The following NPSR1 variants were observed in gnomAD, a reference collection of about 807,000 sequenced individuals.
The protein encoded by NPSR1 is neuropeptide S receptor.
A neutral mutation model predicts 46.9 loss-of-function variants in NPSR1; 48 were observed. The ratio of observed to expected loss-of-function variants is 1.02; its 90% confidence interval spans 0.81 to 1.30. NPSR1 has a LOEUF of 1.30. Among genes scored for constraint, NPSR1 ranks in the 50% most tolerant of loss-of-function variants. NPSR1 has a pLI of 0.00. For missense variants in NPSR1, 450 were observed against 449.5 expected, an observed-to-expected ratio of 1.00 and a Z score of -0.01; for synonymous variants, 176 against 168.1, an observed-to-expected ratio of 1.05 and a Z score of -0.36.
At chr7:34,821,507 C>A (rs1186487886) in intron 4 of NPSR1, among the ~76,000 whole-genome samples, 3 of 151,928 alleles carry the variant, frequency 2.0e-5, no homozygotes, top group Admixed American at 6.6e-5. Context: ...AAAAGGACAT[C>A]GACGCCAAAG....
chr7:34,659,880 GCTGC>G (rs1449312751), intron 1 of NPSR1, among the ~76,000 whole-genome samples: 1 of 152,146 alleles, frequency 6.6e-6, no homozygotes, highest in Non-Finnish European at 1.5e-5. Flanking sequence ...ACTCAGTATT[GCTGC>G]CTGTGTAGCC....
intron 5 of NPSR1, among the ~76,000 whole-genome samples, chr7:34,830,092 G>A (rs921533985): frequency 6.6e-6 from 1 of 152,208 alleles, no homozygotes; most frequent in Non-Finnish European, 1.5e-5. Flanking sequence ...CCAGGCCCTG[G>A]GGGGGCGAGT....
intron 3 of NPSR1, among the ~76,000 whole-genome samples, chr7:34,784,395 G>A (rs1009461938): frequency 2.6e-5 from 4 of 151,996 alleles, no homozygotes; most frequent in African/African-American, 2.4e-5. Context: ...TAGCATGAAG[G>A]GTTGTTGAAT....
At chr7:34,694,179 G>A (rs1366971018) in intron 2 of NPSR1, among the ~76,000 whole-genome samples, 1 of 151,772 alleles carries the variant, frequency 6.6e-6, no homozygotes, top group Non-Finnish European at 1.5e-5. Flanking sequence ...GAAATGAAAG[G>A]AATCCACACT....
At chr7:34,741,340 G>C (rs1353059187) in intron 2 of NPSR1, among the ~76,000 whole-genome samples, 2 of 152,058 alleles carry the variant, frequency 1.3e-5, no homozygotes, top group Non-Finnish European at 2.9e-5. Context: ...TTTTTTTTGA[G>C]AGTTTATTCA....
intron 2 of NPSR1, among the ~76,000 whole-genome samples, chr7:34,757,381 T>C (rs2128727314): frequency 6.6e-6 from 1 of 152,288 alleles, no homozygotes; most frequent in African/African-American, 2.4e-5. Context: ...GTACACTTAT[T>C]CAAAACATTG....
chr7:34,812,311 T>G (rs758954460), intron 4 of NPSR1, among the ~76,000 whole-genome samples: 3 of 152,166 alleles, frequency 2.0e-5, no homozygotes, highest in Non-Finnish European at 2.9e-5. Context: ...TGTTTTTAAT[T>G]GATCATCGTA....
At chr7:34,843,003 C>T (rs185380933) in intron 6 of NPSR1, among the ~76,000 whole-genome samples, 2 of 152,294 alleles carry the variant, frequency 1.3e-5, no homozygotes, top group African/African-American at 4.8e-5. Flanking sequence ...CTCTCTGCCT[C>T]CCACCTCTCC....
intron 2 of NPSR1, chr7:34,750,788 T>A (rs117546349): frequency 1.4e-6 from 1 of 694,516 alleles, no homozygotes; most frequent in South Asian, 1.4e-5. Flanking sequence ...CAGGTCCTGC[T>A]GCACCTGCTC....
intron 6 of NPSR1, among the ~76,000 whole-genome samples, chr7:34,838,299 C>G (rs1383981710): frequency 6.6e-6 from 1 of 152,146 alleles, no homozygotes; most frequent in African/African-American, 2.4e-5. Context: ...TGCCATTACT[C>G]CCTCCCAAAG....
chr7:34,791,867 C>G (rs1033005305), intron 3 of NPSR1, among the ~76,000 whole-genome samples: 1 of 151,932 alleles, frequency 6.6e-6, no homozygotes, highest in Non-Finnish European at 1.5e-5. Context: ...ACAGATGAAA[C>G]AGAATAAAGA....
chr7:34,716,694 G>C (rs1240797919), intron 2 of NPSR1, among the ~76,000 whole-genome samples: 3 of 152,014 alleles, frequency 2.0e-5, no homozygotes, highest in Non-Finnish European at 4.4e-5. Flanking sequence ...TAAACCGCTG[G>C]CCAGGTATCC....
At chr7:34,866,479 C>T (rs571318490) in intron 8 of NPSR1, among the ~76,000 whole-genome samples, 4 of 151,600 alleles carry the variant, frequency 2.6e-5, no homozygotes, top group South Asian at 2.1e-4. Flanking sequence ...AGAACCTGTC[C>T]GTTGTTCAGT....
chr7:34,771,484 G>A (rs1260102538), intron 2 of NPSR1, among the ~76,000 whole-genome samples: 1 of 152,094 alleles, frequency 6.6e-6, no homozygotes, highest in African/African-American at 2.4e-5. Flanking sequence ...TATCTCCCTA[G>A]TTTTCTAAAG....
chr7:34,878,127 A>G (rs1483357051), exon 9 of NPSR1: 4 of 1,611,284 alleles, frequency 2.5e-6, no homozygotes, highest in East Asian at 2.2e-5. Flanking sequence ...TCTGCCCTCA[A>G]CGAGAGAACT....
In NPSR1 at chr7:34,856,871, T is replaced by C. The variant is rs566149520; in HGVS notation, c.1025+8208T>C. 3.6e-4 allele frequency among the ~76,000 whole-genome samples: 54 copies of C among 151,566 alleles called. 2 individuals are homozygous for C. Among genetic ancestry groups the C allele is most frequent in the African/African-American group, 1.3e-3 (53 of 40,986 alleles). On this transcript the variant is annotated intron_variant, in intron 8 of 8. Coordinates refer to the NPSR1 transcript ENST00000359791. ...GGAGAGGAGAAACAATTGTTCTCCC[T>C]GGTAAGAGAACTGAAAACTGGTCCA...
At chr7:34,844,754 A>G in intron 6 of NPSR1, 142 bp from the exon 7 acceptor site, 1 of 648,494 alleles carries the variant, frequency 1.5e-6, no homozygotes, top group South Asian at 1.8e-5. Context: ...TAATCTAAAA[A>G]TTTCCAAGGA....
chr7:34,710,978 G>A, intron 2 of NPSR1: 1 of 354,194 alleles, frequency 2.8e-6, no homozygotes. Context: ...GGCTAGGATG[G>A]CAAGAAAAGC....
chr7:34,685,752 A>T lies in NPSR1; in HGVS notation c.280+1068A>T, dbSNP rs537341237. The T allele has an allele frequency of 4.0e-5, 16 of 400,128 alleles. No homozygotes were observed. In the Admixed American group the frequency reaches 4.1e-4, roughly 10 times the overall value. The allele number at this position is 400,128 out of a possible 1,614,324, so 24.8% of individuals were successfully genotyped here. A position where few individuals can be genotyped will look rare whatever the true frequency, so the allele number is the denominator to read the frequency against. On this transcript the variant is annotated intron_variant, in intron 2 of 8. Transcript: ENST00000360581. ...TTCCCCTTTTTCTTTCTAACAAAGT[A>T]TAACAAGCCCACCTGCTTGAGCTGG...
Sources: allele counts gnomAD v4.1 joint callset (sites outside exome capture counted in the v4.1 genomes callset), GRCh38; gene constraint gnomAD v4.1.1; transcripts MANE v1.5; gene names NCBI Gene and HGNC (gene_info 2026-07-23, HGNC 2026-07-21).